The following PAX8 variants were observed in gnomAD, a reference collection of about 807,000 sequenced individuals.
PAX8 encodes paired box 8, also known as paired box protein Pax-8.
PAX8 carries 15 observed loss-of-function variants against 52.4 expected under a neutral mutation model. That is an observed-to-expected ratio of 0.29 (90% CI 0.19 to 0.44). The LOEUF (loss-of-function observed/expected upper bound fraction) is 0.44. PAX8 is among the 20% of genes least tolerant of loss of function. The pLI is 1.00. For missense variants in PAX8, 554 were observed against 602.5 expected, an observed-to-expected ratio of 0.92 and a Z score of 0.84; for synonymous variants, 284 against 249.7, an observed-to-expected ratio of 1.14 and a Z score of -1.29.
chr2:113,225,148 A>T (rs1319691189), intron 10 of PAX8, among the ~76,000 whole-genome samples: 2 of 152,242 alleles, frequency 1.3e-5, no homozygotes. Context: ...TCTTATGGTC[A>T]GGGTAAAATT....
At position 113,217,946 on chromosome 2, in the gene PAX8, A is replaced by G. The variant is rs529890256; in HGVS notation, c.*587T>C. 3 of 233,296 alleles carry G rather than the reference A, an allele frequency of 1.3e-5. No individual in the cohort carries two copies. Among genetic ancestry groups the G allele is most frequent in the South Asian group, 1.8e-4 (1 of 5,536 alleles). 14.5% of individuals were successfully genotyped at this position (233,296 alleles called of 1,614,324 possible). On this transcript the variant is annotated 3_prime_UTR_variant, in exon 12 of 12. Transcript: ENST00000429538. ...CGCTCCAGCCCTCAGCCCATGCCCA[A>G]GAGGGAGGTGTAGAAAGAGCCAAGC...
chr2:113,244,765 A>C, intron 3 of PAX8, 141 bp from the exon 4 acceptor site: 1 of 774,292 alleles, frequency 1.3e-6, no homozygotes, highest in Non-Finnish European at 2.2e-6. Context: ...CTGGTCTCAA[A>C]CGCTTGATGT....
intron 2 of PAX8, among the ~76,000 whole-genome samples, chr2:113,277,338 C>T (rs537434873): frequency 3.2e-4 from 48 of 152,370 alleles, no homozygotes; most frequent in African/African-American, 1.1e-3. Context: ...GCCCGGGCCC[C>T]CGCAGTGCGC....
chr2:113,278,276 C>T lies in PAX8; in HGVS notation c.25+94G>A, dbSNP rs1028923932. On this transcript the variant is annotated intron_variant, in intron 2 of 11. Coordinates refer to ENST00000429538, the MANE Select transcript of PAX8 (RefSeq NM_003466.4). Reference sequence around the variant, plus strand: ...CCACGCGGGTGGGTCCCGCGAATCCCGTGCTGACGCTCTCGAGATCCAACC... The same window carrying T: ...CCACGCGGGTGGGTCCCGCGAATCCTGTGCTGACGCTCTCGAGATCCAACC... 1.3e-5 allele frequency: 14 copies of T among 1,054,656 alleles called. No individual in the cohort carries two copies. The East Asian group carries it at 2.5e-4, about 19-fold the overall frequency. 65.3% of individuals were successfully genotyped at this position (1,054,656 alleles called of 1,614,324 possible). A position where few individuals can be genotyped will look rare whatever the true frequency, so the allele number is the denominator to read the frequency against.
At chr2:113,248,357 T>C (rs1336845180) in intron 2 of PAX8, among the ~76,000 whole-genome samples, 1 of 152,194 alleles carries the variant, frequency 6.6e-6, no homozygotes, top group Non-Finnish European at 1.5e-5. Flanking sequence ...ATGCTTGTCA[T>C]TGGCTCTGCT....
intron 9 of PAX8, among the ~76,000 whole-genome samples, chr2:113,229,009 C>G (rs577436354): frequency 8.5e-5 from 13 of 152,320 alleles, no homozygotes; most frequent in African/African-American, 3.1e-4. Context: ...TTTCTAAGCA[C>G]TTGGGTATAT....
At chr2:113,266,044 C>T (rs1365465129) in intron 2 of PAX8, 3 of 152,144 alleles carry the variant, frequency 2.0e-5, no homozygotes, top group Non-Finnish European at 2.9e-5. Flanking sequence ...TGGATCAAAA[C>T]CTAAGATGAT....
chr2:113,268,193 G>C (rs574192576), intron 2 of PAX8: 197 of 152,616 alleles, frequency 1.3e-3, no homozygotes, highest in Non-Finnish European at 1.5e-3. Flanking sequence ...CTGTCACTGG[G>C]CTTCCCAGTC....
At chr2:113,269,411 T>C (rs1693321136) in intron 2 of PAX8, 1 of 152,286 alleles carries the variant, frequency 6.6e-6, no homozygotes, top group South Asian at 2.1e-4. Flanking sequence ...GGGTTGTTAG[T>C]GTTCAGTCCT....
chr2:113,246,351 T>C (rs1019651260), intron 3 of PAX8, among the ~76,000 whole-genome samples: 1 of 152,182 alleles, frequency 6.6e-6, no homozygotes, highest in African/African-American at 2.4e-5. Context: ...GATATCACTC[T>C]TTTAGGGGTT....
intron 7 of PAX8, chr2:113,239,439 G>A (rs1690637223): frequency 6.6e-6 from 1 of 152,258 alleles, no homozygotes; most frequent in African/African-American, 2.4e-5. Context: ...GAATACTTGT[G>A]CTTCTTTCTT....
intron 4 of PAX8, 110 bp downstream of exon 4, chr2:113,244,317 G>GC (rs1691131776): frequency 2.2e-5 from 18 of 837,210 alleles, no homozygotes; most frequent in Non-Finnish European, 3.1e-5. Context: ...TCAGCATCAG[G>GC]CCCCTTCCCG....
chr2:113,252,471 C>T (rs11886592), intron 2 of PAX8, among the ~76,000 whole-genome samples: 9,967 of 152,216 alleles, frequency 0.065, 504 homozygotes, highest in Middle Eastern at 0.15. Flanking sequence ...TGTCCCAGGG[C>T]CATGGAATCC....
chr2:113,244,327 G>A (rs993465815), intron 4 of PAX8, 100 bp downstream of exon 4: 26 of 913,242 alleles, frequency 2.8e-5, no homozygotes, highest in Middle Eastern at 3.1e-4. Context: ...GCCCCTTCCC[G>A]GCCTCTGCTC....
chr2:113,242,676 C>G lies in PAX8; in HGVS notation c.478+14G>C. 6.3e-7 allele frequency: 1 copy of G among 1,588,906 alleles called. No homozygotes were observed. The highest frequency in any genetic ancestry group is 8.6e-7 in the Non-Finnish European group (1 of 1,157,162). On this transcript the variant is annotated intron_variant, in intron 5 of 11. Transcript: ENST00000429538. ...CACGAGCATGTGTGTGTATCCAGGTCTCTCAGCACTCACTCAGCGTGTGTC... is the reference window on the plus strand; with the variant it reads ...CACGAGCATGTGTGTGTATCCAGGTGTCTCAGCACTCACTCAGCGTGTGTC...
rs771325029 is a variant in PAX8 at position 113,226,230 on chromosome 2, G to A, written c.1189+925C>T. The stretch of plus-strand genomic sequence containing the variant: ...AAGGGAAGCAGGCCTAGGTAAATAC[G>A]CCAAGTCTCTGGGGTCACAGCCAGA... On this transcript the variant is annotated intron_variant, in intron 10 of 11. Transcript: ENST00000429538. 9 of 985,300 alleles carry A rather than the reference G, an allele frequency of 9.1e-6. No homozygotes were observed. In the Admixed American group the frequency reaches 1.8e-4, roughly 20 times the overall value. The allele number at this position is 985,300 out of a possible 1,614,324, so 61.0% of individuals were successfully genotyped here. A position where few individuals can be genotyped will look rare whatever the true frequency, so the allele number is the denominator to read the frequency against.
chr2:113,230,303 C>G (rs1410331613), intron 9 of PAX8, among the ~76,000 whole-genome samples: 3 of 152,224 alleles, frequency 2.0e-5, no homozygotes, highest in South Asian at 2.1e-4. Flanking sequence ...CCTTCTCGTT[C>G]TATTACCTGA....
rs1691364108 is a variant in PAX8, at chr2:113,246,865, G to A, written c.80C>T (p.Pro27Leu). The A allele has an allele frequency of 1.2e-6, 2 of 1,614,170 alleles. No homozygotes were observed. The highest frequency in any genetic ancestry group is 1.7e-6 in the Non-Finnish European group (2 of 1,180,002). Residue 27 changes from proline to leucine, a missense_variant, in exon 3 of 12, where the codon CCG becomes CTG. Physicochemically the swap from Pro to Leu is moderately conservative, Grantham distance 98. Coordinates refer to ENST00000429538, the MANE Select transcript of PAX8 (RefSeq NM_003466.4). ...GGAFVNGRPL[P>L]EVVRQRIVDL... The stretch of plus-strand genomic sequence containing the variant: ...TACGATGCGCTGGCGGACCACTTCC[G>A]GCAGAGGTCTGCCATTCACAAAGGC...
intron 3 of PAX8, among the ~76,000 whole-genome samples, chr2:113,246,334 A>G (rs1285316569): frequency 1.3e-5 from 2 of 152,162 alleles, no homozygotes; most frequent in Non-Finnish European, 2.9e-5. Context: ...TGAGAAGCAC[A>G]AACTCAGATA....
Sources: allele counts gnomAD v4.1 joint callset (sites outside exome capture counted in the v4.1 genomes callset), GRCh38; gene constraint gnomAD v4.1.1; transcripts MANE v1.5; gene names NCBI Gene and HGNC (gene_info 2026-07-23, HGNC 2026-07-21).